Variants in HECTD4 observed in about 807,000 individuals in gnomAD.
HECTD4 encodes the protein probable E3 ubiquitin-protein ligase HECTD4.
Under a neutral mutation model 471.5 loss-of-function variants are expected in HECTD4, and 114 were observed. That is an observed-to-expected ratio of 0.24 (90% confidence interval 0.21 to 0.28). The LOEUF (loss-of-function observed/expected upper bound fraction) is 0.28, where lower values mean the gene tolerates loss of function less well. Ranked by LOEUF, HECTD4 falls within the 10% of genes least tolerant of loss-of-function variation. The pLI, the probability that HECTD4 is intolerant of heterozygous loss-of-function variation, is 1.00. For missense variants in HECTD4, 3,866 were observed against 5,651.5 expected, an observed-to-expected ratio of 0.68 and a Z score of 10.13; for synonymous variants, 2,012 against 2,256.0, an observed-to-expected ratio of 0.89 and a Z score of 3.07.
At chr12:112,208,690 C>A in intron 50 of HECTD4, 60 bp from the exon 51 acceptor site, 1 of 1,465,982 alleles carries the variant, frequency 6.8e-7, no homozygotes, top group Admixed American at 2.4e-5. Flanking sequence ...AAATCCTTAA[C>A]TTCTCACCCT....
rs780837223 is a variant in HECTD4, at chr12:112,170,383, G to A, written c.12002C>T (p.Ala4001Val). 2.5e-6 allele frequency: 4 copies of A among 1,613,942 alleles called. No homozygotes were observed. Among genetic ancestry groups the A allele is most frequent in the Non-Finnish European group, 2.5e-6 (3 of 1,179,886 alleles). ...RVLNATVQRT[A>V]DHAAPEITLD... is the part of the protein sequence containing the mutation. ...GGTGATCTCAGGGGCCGCGTGGTCC[G>A]CTGTCCTCTGCACAGTGGCATTCAG... The change falls in exon 69 of 76, where the codon GCG (alanine) becomes GTG (valine). Residue 4001 changes from alanine to valine, a missense_variant. Coordinates refer to ENST00000682272, the MANE Select transcript of HECTD4 (RefSeq NM_001388303.1).
In HECTD4 at chr12:112,250,326, C is replaced by G. The variant is rs745735461; in HGVS notation, c.3768G>C (p.Pro1256=). The G allele has an allele frequency of 6.1e-5, 99 of 1,613,678 alleles. No homozygotes were observed. The highest frequency in any genetic ancestry group is 7.5e-5 in the Non-Finnish European group (89 of 1,179,848). Residue 1256 remains proline, a synonymous_variant, in exon 25 of 76, where the codon CCG becomes CCC. Transcript: ENST00000682272. ...TGGTCAGAGGCAGTGGAGAGGGGCT[C>G]GGAGTAAGGGCAGGGGAGATCACGC... The part of the protein sequence containing the change: ...ANGVISPALT[P]SPSPLPLTIE...
intron 1 of HECTD4, among the ~76,000 whole-genome samples, chr12:112,355,621 G>A (rs1057493707): frequency 2.0e-5 from 3 of 149,944 alleles, no homozygotes; most frequent in Admixed American, 6.6e-5. Context: ...TTAGCTGGGC[G>A]TGGTGGCACA....
At chr12:112,376,751 AC>A (rs2135770649) in intron 1 of HECTD4, among the ~76,000 whole-genome samples, 2 of 151,346 alleles carry the variant, frequency 1.3e-5, no homozygotes, top group South Asian at 4.2e-4. Flanking sequence ...CATATGGTAT[AC>A]TCCCTCCCTC....
chr12:112,251,886 C>G (rs566193141), intron 23 of HECTD4, among the ~76,000 whole-genome samples: 2 of 152,326 alleles, frequency 1.3e-5, no homozygotes, highest in East Asian at 3.9e-4. Flanking sequence ...ATTCTCCTCC[C>G]TCAGCCTCTC....
rs983212730 is a variant in HECTD4, at chr12:112,264,205, G to GTGC, written c.2626_2627insGCA (p.Ser876delinsCysThr). 6.3e-7 allele frequency: 1 copy of GTGC among 1,593,510 alleles called. No individual in the cohort carries two copies. Among genetic ancestry groups the GTGC allele is most frequent in the Non-Finnish European group, 8.6e-7 (1 of 1,169,474 alleles). On this transcript the variant is annotated protein_altering_variant, in exon 17 of 76. Coordinates refer to ENST00000682272, the MANE Select transcript of HECTD4 (RefSeq NM_001388303.1). ...TGCCATCAGATAGCGCAGGCAGGAG[G>GTGC]ATGCAGCCTTTAATACAAATAAGGG...
intron 7 of HECTD4, among the ~76,000 whole-genome samples, chr12:112,294,436 G>A (rs184260461): frequency 2.6e-5 from 4 of 152,158 alleles, no homozygotes; most frequent in Non-Finnish European, 5.9e-5. Flanking sequence ...GAGGTCTATG[G>A]CTAAGCCCTA....
At chr12:112,367,820 C>CAAAAAAA (rs59590181) in intron 1 of HECTD4, among the ~76,000 whole-genome samples, 2 of 12,572 alleles carry the variant, frequency 1.6e-4, no homozygotes, top group Non-Finnish European at 2.1e-4. Context: ...GACTCCATCT[C>CAAAAAAA]AAAAAAAAAA....
At chr12:112,339,401 T>C (rs1258499549) in intron 1 of HECTD4, among the ~76,000 whole-genome samples, 1 of 151,804 alleles carries the variant, frequency 6.6e-6, no homozygotes, top group Non-Finnish European at 1.5e-5. Context: ...AAGCCCTATA[T>C]TGTTTAGGGC....
At chr12:112,206,408 T>A (rs2032583383) in intron 52 of HECTD4, among the ~76,000 whole-genome samples, 1 of 151,880 alleles carries the variant, frequency 6.6e-6, no homozygotes, top group South Asian at 2.1e-4. Context: ...AGCAGGAGGA[T>A]CTCTTGAGCC....
intron 1 of HECTD4, among the ~76,000 whole-genome samples, chr12:112,373,929 G>A (rs1049055670): frequency 2.6e-5 from 4 of 151,380 alleles, no homozygotes; most frequent in African/African-American, 7.3e-5. Context: ...ACTTGAACCC[G>A]GGAGGCGAAG....
chr12:112,289,882 G>A (rs1199102324), intron 7 of HECTD4, among the ~76,000 whole-genome samples: 1 of 151,598 alleles, frequency 6.6e-6, no homozygotes, highest in Non-Finnish European at 1.5e-5. Context: ...TCACCATGTT[G>A]GCCAGGCTGG....
At chr12:112,202,269 G>A (rs912711180) in intron 54 of HECTD4, among the ~76,000 whole-genome samples, 1 of 151,680 alleles carries the variant, frequency 6.6e-6, no homozygotes, top group African/African-American at 2.4e-5. Context: ...GCCATGGCAT[G>A]ATCTCGGCTC....
At chr12:112,353,160 T>C (rs1276453631) in intron 1 of HECTD4, among the ~76,000 whole-genome samples, 2 of 152,232 alleles carry the variant, frequency 1.3e-5, no homozygotes, top group Non-Finnish European at 2.9e-5. Flanking sequence ...GCCACCTGAC[T>C]GGCAGCCACC....
chr12:112,162,063 A>C lies in HECTD4; in HGVS notation c.*324T>G. 21 of 230,068 alleles carry C rather than the reference A, an allele frequency of 9.1e-5. No homozygotes were observed. Among genetic ancestry groups the C allele is most frequent in the Middle Eastern group, 1.7e-3 (1 of 600 alleles). 14.3% of individuals were successfully genotyped at this position (230,068 alleles called of 1,614,324 possible). A position where few individuals can be genotyped will look rare whatever the true frequency, so the allele number is the denominator to read the frequency against. On this transcript the variant is annotated 3_prime_UTR_variant, in exon 76 of 76. Transcript: ENST00000682272. This position sits in a 1 kb window ranked among gnomAD's most constrained non-coding sequence, Gnocchi z 5.2. ...CTGCTGGGTGGTTCTGTGATGGGGAACCAGCTGGGGCCTTATGGCATTAGA... is the reference window on the plus strand; with the variant it reads ...CTGCTGGGTGGTTCTGTGATGGGGACCCAGCTGGGGCCTTATGGCATTAGA...
Position 112,235,100 on chromosome 12 carries a change from A to G in HECTD4, c.5892T>C (p.His1964=). 1 of 1,585,240 alleles carries G rather than the reference A, an allele frequency of 6.3e-7. No individual in the cohort carries two copies. The highest frequency in any genetic ancestry group is 8.6e-7 in the Non-Finnish European group (1 of 1,165,262). ...ACCTTAGCAATGGCTGGAGGACTTC[A>G]TGGGATGACTGGTCTTCCCGCTTGT... is the stretch of plus-strand genomic sequence containing the variant. ...FIHKREDQSS[H]EVLQPLLSSS... Residue 1964 remains histidine (H), a synonymous_variant, in exon 37 of 76, where the codon CAT becomes CAC. Transcript: ENST00000682272. This position sits in a 1 kb window ranked among gnomAD's most constrained non-coding sequence, Gnocchi z 5.0.
intron 1 of HECTD4, among the ~76,000 whole-genome samples, chr12:112,344,632 A>T (rs1211668737): frequency 1.1e-4 from 16 of 152,186 alleles, no homozygotes; most frequent in Non-Finnish European, 2.4e-4. Context: ...TAAGAAAAAA[A>T]TCAGGGCCAG....
chr12:112,340,796 AG>A (rs560130079), intron 1 of HECTD4, among the ~76,000 whole-genome samples: 154 of 152,326 alleles, frequency 1.0e-3, no homozygotes, highest in African/African-American at 3.5e-3. Flanking sequence ...AATTGTGCAT[AG>A]GAACGATTCT....
In HECTD4 at chr12:112,172,875, CAG is replaced by C. The variant is rs1214484259; in HGVS notation, c.11595-16_11595-15del. 8 of 1,612,484 alleles carry C rather than the reference CAG, an allele frequency of 5.0e-6. No homozygotes were observed. The highest frequency in any genetic ancestry group is 1.7e-4 in the Middle Eastern group (1 of 6,052). On this transcript the variant is annotated splice_polypyrimidine_tract_variant and intron_variant, in intron 66 of 75. Coordinates refer to ENST00000682272, the MANE Select transcript of HECTD4 (RefSeq NM_001388303.1). ...ATGCATGCGCACCTTGGGGTGGGGA[CAG>C]GGGGAGAGGGGCAAAGTGAGGCAGG...
Sources: gnomAD v4.1 joint callset for allele counts (sites outside exome capture counted in the v4.1 genomes callset) on GRCh38, gnomAD v4.1.1 for gene constraint, Gnocchi (gnomAD v3.1) non-coding constraint, MANE v1.5 for transcripts, NCBI Gene and HGNC (gene_info 2026-07-23, HGNC 2026-07-21) for gene names.